TAFA1: variants seen among roughly 807,000 people sequenced by gnomAD.
TAFA1 encodes chemokine-like protein TAFA-1.
Under a neutral mutation model 18.5 loss-of-function variants are expected in TAFA1, and 4 were observed. The observed-to-expected ratio is 0.22, with a 90% CI of 0.11 to 0.49. The LOEUF (loss-of-function observed/expected upper bound fraction) is 0.49, where lower values mean the gene tolerates loss of function less well. Ranked by LOEUF, TAFA1 falls within the 20% of genes least tolerant of loss-of-function variation. TAFA1 has a pLI of 0.98. For synonymous variants in TAFA1, 56 were observed against 55.2 expected, an observed-to-expected ratio of 1.01 and a Z score of -0.06; for missense variants, 147 against 169.0, an observed-to-expected ratio of 0.87 and a Z score of 0.72.
chr3:68,118,509 C>G (rs1001031588), intron 2 of TAFA1, among the ~76,000 whole-genome samples: 2 of 152,140 alleles, frequency 1.3e-5, no homozygotes, highest in Non-Finnish European at 2.9e-5. Flanking sequence ...CTGCTCTATA[C>G]CTTTCAACAA....
intron 2 of TAFA1, among the ~76,000 whole-genome samples, chr3:68,165,502 T>C (rs902103640): frequency 6.6e-6 from 1 of 152,208 alleles, no homozygotes; most frequent in African/African-American, 2.4e-5. Flanking sequence ...TTTAATTCAT[T>C]CCAGAACATT....
chr3:68,498,722 CTTTTTTTTTTTTTTTT>C (rs34030223), intron 3 of TAFA1, among the ~76,000 whole-genome samples: 34,873 of 98,250 alleles, frequency 0.35, 5,479 homozygotes, highest in East Asian at 0.61. Flanking sequence ...CGTTTGGTGG[CTTTTTTTTTTTTTTTT>C]TTTTTTTTTT....
intron 2 of TAFA1, among the ~76,000 whole-genome samples, chr3:68,140,653 T>C (rs1392433269): frequency 6.6e-6 from 1 of 152,180 alleles, no homozygotes; most frequent in Admixed American, 6.5e-5. Flanking sequence ...AAGGCAATGA[T>C]GGCTACCTCA....
At chr3:68,455,651 C>T (rs2071648554) in intron 3 of TAFA1, among the ~76,000 whole-genome samples, 1 of 152,000 alleles carries the variant, frequency 6.6e-6, no homozygotes, top group Admixed American at 6.6e-5. Context: ...ACCCTTCATC[C>T]CCCAATTTTT....
chr3:68,400,718 T>C (rs1420010466), intron 2 of TAFA1, among the ~76,000 whole-genome samples: 1 of 152,188 alleles, frequency 6.6e-6, no homozygotes, highest in Non-Finnish European at 1.5e-5. Flanking sequence ...TCAAACTTAG[T>C]GGACATTTAT....
the TAFA1 span, among the ~76,000 whole-genome samples, chr3:67,996,766 C>T: frequency 1.3e-5 from 2 of 150,742 alleles, no homozygotes; most frequent in South Asian, 2.1e-4. Context: ...TGTACTTCAG[C>T]TTGGGCAACA....
At position 68,183,032 on chromosome 3, in the gene TAFA1, A is replaced by G. The variant is rs73095436; in HGVS notation, c.118+176288A>G. 9.3e-3 allele frequency among the ~76,000 whole-genome samples: 1,421 copies of G among 152,290 alleles called. 13 individuals carry two copies. Among genetic ancestry groups the G allele is most frequent in the Non-Finnish European group, 0.017 (1,123 of 68,012 alleles). The stretch of plus-strand genomic sequence containing the variant: ...ACCAACCCTCCCAAATAATTATCCT[A>G]TCAGAAAATTCTTGCACTACTCAAT... On this transcript the variant is annotated intron_variant, in intron 2 of 4. Coordinates refer to ENST00000478136, the MANE Select transcript of TAFA1 (RefSeq NM_213609.4).
intron 2 of TAFA1, among the ~76,000 whole-genome samples, chr3:68,311,959 AC>A (rs2068527757): frequency 6.6e-6 from 1 of 152,172 alleles, no homozygotes; most frequent in African/African-American, 2.4e-5. Context: ...GCATTTCCAT[AC>A]ATCTGAAATG....
At chr3:68,537,167 G>A (rs902004660) in intron 3 of TAFA1, among the ~76,000 whole-genome samples, 1 of 152,102 alleles carries the variant, frequency 6.6e-6, no homozygotes, top group African/African-American at 2.4e-5. Context: ...AAAGCTAAGA[G>A]CACGAAAGTT....
In TAFA1 at chr3:68,424,191, C is replaced by T. The variant is rs371054573; in HGVS notation, c.259+6771C>T. Among the ~76,000 whole-genome samples the T allele has an allele frequency of 3.9e-5, 6 of 152,016 alleles. No homozygotes were observed. The East Asian group carries it at 1.2e-3, about 29-fold the overall frequency. ...TTGCTCCTGGCTCATCATACTTAGT[C>T]CCCAAGATAAGTGCAAATGAGACAG... On this transcript the variant is annotated intron_variant, in intron 3 of 4. Transcript: ENST00000478136.
intron 2 of TAFA1, among the ~76,000 whole-genome samples, chr3:68,375,443 C>A (rs970562868): frequency 3.3e-5 from 5 of 152,152 alleles, no homozygotes; most frequent in Admixed American, 2.6e-4. Flanking sequence ...TTACTCCACA[C>A]AAGTCAGTGG....
intron 3 of TAFA1, among the ~76,000 whole-genome samples, chr3:68,499,579 A>T (rs1191342320): frequency 2.7e-5 from 4 of 150,662 alleles, no homozygotes; most frequent in Non-Finnish European, 5.9e-5. Flanking sequence ...TTATGTATTT[A>T]TTTATCTTAT....
chr3:68,518,487 G>T (rs990819181), intron 3 of TAFA1, among the ~76,000 whole-genome samples: 15 of 152,120 alleles, frequency 9.9e-5, no homozygotes, highest in Non-Finnish European at 1.9e-4. Flanking sequence ...ACATATTTAG[G>T]AATATAACAT....
chr3:68,291,711 C>G (rs2068112887), intron 2 of TAFA1, among the ~76,000 whole-genome samples: 1 of 151,886 alleles, frequency 6.6e-6, no homozygotes, highest in African/African-American at 2.4e-5. Context: ...AAATCTGGAT[C>G]ATGTTAAAAA....
chr3:68,034,673 C>T (rs1481949415), intron 2 of TAFA1, among the ~76,000 whole-genome samples: 2 of 152,086 alleles, frequency 1.3e-5, no homozygotes, highest in Non-Finnish European at 2.9e-5. Context: ...CATGTCCTTG[C>T]TTGGTGAGGA....
At chr3:68,541,981 C>A (rs2073384611) in intron 4 of TAFA1, among the ~76,000 whole-genome samples, 2 of 152,094 alleles carry the variant, frequency 1.3e-5, no homozygotes, top group South Asian at 4.2e-4. Flanking sequence ...CTACCAGACA[C>A]CCCAGAACGT....
At chr3:68,454,678 C>A (rs917261415) in intron 3 of TAFA1, among the ~76,000 whole-genome samples, 3 of 152,086 alleles carry the variant, frequency 2.0e-5, no homozygotes, top group Non-Finnish European at 4.4e-5. Flanking sequence ...TGTTTCAGAT[C>A]TTCCTTTCCC....
intron 3 of TAFA1, among the ~76,000 whole-genome samples, chr3:68,422,404 A>G (rs1267665099): frequency 6.6e-6 from 1 of 152,138 alleles, no homozygotes; most frequent in Non-Finnish European, 1.5e-5. Context: ...TGTCCTAAAC[A>G]TATTCTGTCT....
Position 68,283,819 on chromosome 3 carries a change from C to T in TAFA1, c.119-133461C>T, listed in dbSNP as rs1049385317. 4.6e-5 allele frequency among the ~76,000 whole-genome samples: 7 copies of T among 152,200 alleles called. 1 individual carries two copies. The highest frequency in any genetic ancestry group is 3.3e-4 in the Admixed American group (5 of 15,288). ...TGTGTCTGTTTTTATCAGCCCTCAG[C>T]TTCCTTTTATACATTGCATGGCTGC... On this transcript the variant is annotated intron_variant, in intron 2 of 4. Coordinates refer to ENST00000478136, the MANE Select transcript of TAFA1 (RefSeq NM_213609.4).
Sources: gnomAD v4.1 joint callset for allele counts (sites outside exome capture counted in the v4.1 genomes callset) on GRCh38, gnomAD v4.1.1 for gene constraint, MANE v1.5 for transcripts, NCBI Gene and HGNC (gene_info 2026-07-23, HGNC 2026-07-21) for gene names.